Variants in DTNB observed in about 807,000 individuals in gnomAD.
The protein encoded by DTNB is dystrobrevin beta.
In DTNB, 63 loss-of-function variants were observed where a neutral mutation model predicts 90.7. The ratio of observed to expected loss-of-function variants is 0.69; its 90% CI spans 0.57 to 0.86. The LOEUF (loss-of-function observed/expected upper bound fraction) is 0.86, where lower values mean the gene tolerates loss of function less well. Among genes scored for constraint, DTNB ranks in the 40% least tolerant of loss-of-function variants. The probability of loss-of-function intolerance (pLI) is 0.00; values close to 1 mark genes in which losing one functional copy is unlikely to be tolerated. For missense variants in DTNB, 744 were observed against 807.1 expected (o/e 0.92, Z 0.95); for synonymous variants, 277 against 286.7 (o/e 0.97, Z 0.34).
At chr2:25,451,493 C>T in intron 12 of DTNB, 55 bp downstream of exon 12, 1 of 1,532,574 alleles carries the variant, frequency 6.5e-7, no homozygotes, top group Non-Finnish European at 8.8e-7. Flanking sequence ...TTTCCATTTG[C>T]ATATTAAAGT....
At chr2:25,657,426 T>C (rs770371632) in intron 1 of DTNB, among the ~76,000 whole-genome samples, 4 of 152,150 alleles carry the variant, frequency 2.6e-5, no homozygotes, top group African/African-American at 7.2e-5. Flanking sequence ...ATACAAATTA[T>C]ATAAAGAACA....
intron 1 of DTNB, among the ~76,000 whole-genome samples, chr2:25,663,009 A>G (rs2083578831): frequency 6.6e-6 from 1 of 151,984 alleles, no homozygotes; most frequent in Non-Finnish European, 1.5e-5. Flanking sequence ...CCCGCCATCT[A>G]AGTTTTAAGC....
chr2:25,386,535 C>T (rs2039518614), intron 18 of DTNB, among the ~76,000 whole-genome samples: 1 of 152,210 alleles, frequency 6.6e-6, no homozygotes, highest in East Asian at 1.9e-4. Flanking sequence ...GACCCCACCG[C>T]TGTGAAATCG....
At chr2:25,599,271 C>T (rs948358318) in intron 5 of DTNB, among the ~76,000 whole-genome samples, 28 of 151,248 alleles carry the variant, frequency 1.9e-4, no homozygotes, top group Non-Finnish European at 1.0e-4. Context: ...GATGACAAAT[C>T]CTGATTGACA....
At chr2:25,482,215 T>C (rs1379070625) in intron 10 of DTNB, among the ~76,000 whole-genome samples, 1 of 152,158 alleles carries the variant, frequency 6.6e-6, no homozygotes, top group African/African-American at 2.4e-5. Context: ...TGAGAGAATT[T>C]TTGGAGAAGA....
At chr2:25,403,072 G>A (rs1192206551) in intron 16 of DTNB, among the ~76,000 whole-genome samples, 1 of 152,170 alleles carries the variant, frequency 6.6e-6, no homozygotes, top group Non-Finnish European at 1.5e-5. Context: ...CCTCCTTTCT[G>A]TTTGTTTCTC....
intron 2 of DTNB, among the ~76,000 whole-genome samples, chr2:25,650,748 G>C (rs548428729): frequency 6.6e-6 from 1 of 152,288 alleles, no homozygotes; most frequent in South Asian, 2.1e-4. Flanking sequence ...ATCACTTGAG[G>C]TCAGGAGTTT....
At chr2:25,381,250 A>G (rs2037664636) in intron 19 of DTNB, among the ~76,000 whole-genome samples, 2 of 152,168 alleles carry the variant, frequency 1.3e-5, no homozygotes, top group African/African-American at 2.4e-5. Context: ...ACACCAGTGT[A>G]AATTTATCTG....
chr2:25,673,410 G>C lies in DTNB; in HGVS notation c.-26C>G, dbSNP rs1431387217. The C allele has an allele frequency of 6.6e-6, 1 of 151,142 alleles. No individual in the cohort carries two copies. Among genetic ancestry groups the C allele is most frequent in the East Asian group, 1.9e-4 (1 of 5,166 alleles). 9.4% of individuals were successfully genotyped at this position (151,142 alleles called of 1,614,324 possible). ...CCTTGCTCACTTCCCCGCCGGAGCA[G>C]GGGTCGTCGGGAAGGTCTCCTGCGG... On this transcript the variant is annotated 5_prime_UTR_variant, in exon 1 of 21. Coordinates refer to ENST00000406818, the MANE Select transcript of DTNB (RefSeq NM_021907.5).
chr2:25,480,607 T>C (rs2064747471), intron 10 of DTNB, among the ~76,000 whole-genome samples: 1 of 152,186 alleles, frequency 6.6e-6, no homozygotes, highest in Non-Finnish European at 1.5e-5. Flanking sequence ...CCATGCTCCT[T>C]CTAATAGCCT....
At chr2:25,529,708 G>A (rs2077791962) in intron 9 of DTNB, among the ~76,000 whole-genome samples, 1 of 152,156 alleles carries the variant, frequency 6.6e-6, no homozygotes, top group Admixed American at 6.6e-5. Context: ...GAAGAGCCCA[G>A]TGAACTCCAA....
chr2:25,574,877 T>G (rs1375028564), intron 8 of DTNB, among the ~76,000 whole-genome samples: 2 of 152,130 alleles, frequency 1.3e-5, no homozygotes, highest in Non-Finnish European at 2.9e-5. Context: ...CAAATAAGAC[T>G]TAGTTCACAA....
intron 4 of DTNB, among the ~76,000 whole-genome samples, chr2:25,612,390 G>T (rs186983362): frequency 1.3e-5 from 2 of 152,066 alleles, no homozygotes; most frequent in Non-Finnish European, 2.9e-5. Flanking sequence ...ACTGGTTGCC[G>T]CCAGGGTGGG....
At chr2:25,671,444 C>T (rs2085883684) in intron 1 of DTNB, among the ~76,000 whole-genome samples, 1 of 152,178 alleles carries the variant, frequency 6.6e-6, no homozygotes, top group African/African-American at 2.4e-5. Flanking sequence ...ACCTAGGCAC[C>T]TCTCAACAAG....
At chr2:25,592,154 C>T (rs2063708455) in intron 6 of DTNB, among the ~76,000 whole-genome samples, 1 of 151,756 alleles carries the variant, frequency 6.6e-6, no homozygotes, top group Non-Finnish European at 1.5e-5. Flanking sequence ...TTCGCTTTCC[C>T]TCCAGCCTTC....
intron 3 of DTNB, among the ~76,000 whole-genome samples, chr2:25,633,846 C>G (rs937234216): frequency 4.7e-5 from 7 of 148,256 alleles, no homozygotes; most frequent in Non-Finnish European, 1.0e-4. Context: ...ATGTGAGGAG[C>G]GCCTCTACCC....
At position 25,652,604 on chromosome 2, in the gene DTNB, G is replaced by C. The variant is rs370519102; in HGVS notation, c.57C>G (p.Phe19Leu). 113 of 1,609,612 alleles carry C rather than the reference G, an allele frequency of 7.0e-5. No individual in the cohort carries two copies. The highest frequency in any genetic ancestry group is 9.5e-5 in the Non-Finnish European group (112 of 1,178,824). Residue 19 changes from phenylalanine (F) to leucine (L), a missense_variant, in exon 2 of 21, where the codon TTC (phenylalanine) becomes TTG (leucine). Coordinates refer to ENST00000406818, the MANE Select transcript of DTNB (RefSeq NM_021907.5). Reference sequence around the variant, plus strand: ...GGACTCAAGACTCACGCATTTCTATGAACAGCTGCCTCTTCTCTGCCATGG... The same window carrying C: ...GGACTCAAGACTCACGCATTTCTATCAACAGCTGCCTCTTCTCTGCCATGG... ...RKTMAEKRQL[F>L]IEMRAQNFDV...
chr2:25,489,939 A>T (rs893053934), intron 9 of DTNB, among the ~76,000 whole-genome samples: 18 of 152,334 alleles, frequency 1.2e-4, no homozygotes, highest in African/African-American at 4.3e-4. Context: ...GTAAAAATAC[A>T]TGTTTAAAAA....
intron 8 of DTNB, among the ~76,000 whole-genome samples, chr2:25,561,805 T>C (rs1256672739): frequency 1.3e-5 from 2 of 152,238 alleles, no homozygotes; most frequent in African/African-American, 4.8e-5. Flanking sequence ...ATTGGTGCCA[T>C]GCTTGCACAG....
Sources: allele counts gnomAD v4.1 joint callset (sites outside exome capture counted in the v4.1 genomes callset), GRCh38; gene constraint gnomAD v4.1.1; transcripts MANE v1.5; gene names NCBI Gene and HGNC (gene_info 2026-07-23, HGNC 2026-07-21).